Variants in LOC128706666 observed in about 807,000 individuals in gnomAD.
At chr20:10,422,458 A>G in the LOC128706666 span, among the ~76,000 whole-genome samples, 21,732 of 152,030 alleles carry the variant, frequency 0.14, 1,744 homozygotes, top group East Asian at 0.24. Flanking sequence ...TTGGGAATTT[A>G]AGGGTACAAT....
At chr20:10,424,011 A>G in the LOC128706666 span, among the ~76,000 whole-genome samples, 1 of 152,150 alleles carries the variant, frequency 6.6e-6, no homozygotes, top group African/African-American at 2.4e-5. Flanking sequence ...GCAAGTAACT[A>G]TTTTCTGACA....
chr20:10,431,227 T>C, the LOC128706666 span, among the ~76,000 whole-genome samples: 4 of 152,270 alleles, frequency 2.6e-5, no homozygotes, highest in African/African-American at 7.2e-5. Flanking sequence ...ATCGAATATT[T>C]TGACTAAAAT....
the LOC128706666 span, among the ~76,000 whole-genome samples, chr20:10,421,428 A>T: frequency 6.6e-6 from 1 of 152,056 alleles, no homozygotes; most frequent in Non-Finnish European, 1.5e-5. Flanking sequence ...AAAAAAAAAA[A>T]AAAAAAATTA....
At chr20:10,415,902 A>C in the LOC128706666 span, among the ~76,000 whole-genome samples, 4 of 152,200 alleles carry the variant, frequency 2.6e-5, no homozygotes, top group Non-Finnish European at 4.4e-5. Flanking sequence ...AGTGACTCCC[A>C]AATCATTTTA....
At chr20:10,416,531 C>T in the LOC128706666 span, among the ~76,000 whole-genome samples, 3 of 151,450 alleles carry the variant, frequency 2.0e-5, no homozygotes, top group Non-Finnish European at 2.9e-5. Flanking sequence ...TAAATGCAAA[C>T]CCACAGGTTC....
the LOC128706666 span, among the ~76,000 whole-genome samples, chr20:10,430,840 G>C: frequency 3.3e-5 from 5 of 152,218 alleles, no homozygotes; most frequent in Non-Finnish European, 7.3e-5. Context: ...GAGCAGCCAA[G>C]TGATCAAATG....
chr20:10,422,855 G>A, the LOC128706666 span, among the ~76,000 whole-genome samples: 2 of 151,834 alleles, frequency 1.3e-5, no homozygotes, highest in African/African-American at 2.4e-5. Flanking sequence ...GGGACTACAG[G>A]TGCCCGCCAC....
At chr20:10,423,411 G>A in the LOC128706666 span, among the ~76,000 whole-genome samples, 4 of 151,980 alleles carry the variant, frequency 2.6e-5, no homozygotes, top group East Asian at 3.9e-4. Flanking sequence ...GATGAAATGC[G>A]ATCGTTTCAA....
the LOC128706666 span, among the ~76,000 whole-genome samples, chr20:10,426,124 A>T: frequency 6.6e-6 from 1 of 152,224 alleles, no homozygotes; most frequent in Non-Finnish European, 1.5e-5. Context: ...CTTTCATAGC[A>T]ACTTTATGAG....
At chr20:10,419,547 G>C in the LOC128706666 span, among the ~76,000 whole-genome samples, 1 of 152,108 alleles carries the variant, frequency 6.6e-6, no homozygotes, top group African/African-American at 2.4e-5. Flanking sequence ...ACTACATATA[G>C]CACTAAACCC....
At chr20:10,434,170 A>T in the LOC128706666 span, 1,509 of 152,294 alleles carry the variant, frequency 9.9e-3, 12 homozygotes, top group Middle Eastern at 0.017. Flanking sequence ...AACAGATCTC[A>T]AGCAGCCGCT....
chr20:10,425,913 C>T, the LOC128706666 span, among the ~76,000 whole-genome samples: 1 of 152,000 alleles, frequency 6.6e-6, no homozygotes, highest in African/African-American at 2.4e-5. Flanking sequence ...ATAGAGAAAT[C>T]AAGAGACATG....
At chr20:10,415,680 G>A in the LOC128706666 span, among the ~76,000 whole-genome samples, 48 of 152,242 alleles carry the variant, frequency 3.2e-4, no homozygotes, top group African/African-American at 1.1e-3. Flanking sequence ...TAATTTGCAC[G>A]TTAAAACTTA....
At chr20:10,427,081 A>ACAC in the LOC128706666 span, among the ~76,000 whole-genome samples, 1 of 85,700 alleles carries the variant, frequency 1.2e-5, no homozygotes, top group East Asian at 3.4e-4. Flanking sequence ...CACACACACA[A>ACAC]AGTAAGGTTA....
chr20:10,432,288 T>G, the LOC128706666 span, among the ~76,000 whole-genome samples: 7 of 152,244 alleles, frequency 4.6e-5, no homozygotes, highest in African/African-American at 1.7e-4. Flanking sequence ...TCCTGCTTCC[T>G]TTCTTCCTTG....
chr20:10,417,556 A>G, the LOC128706666 span, among the ~76,000 whole-genome samples: 5 of 152,196 alleles, frequency 3.3e-5, no homozygotes, highest in Non-Finnish European at 2.9e-5. Flanking sequence ...GGCTGCAGTG[A>G]GCTATGATAT....
At chr20:10,415,686 A>T in the LOC128706666 span, among the ~76,000 whole-genome samples, 1 of 152,234 alleles carries the variant, frequency 6.6e-6, no homozygotes, top group Non-Finnish European at 1.5e-5. Flanking sequence ...GCACGTTAAA[A>T]CTTACATACA....
At chr20:10,429,456 G>C in the LOC128706666 span, among the ~76,000 whole-genome samples, 7 of 152,238 alleles carry the variant, frequency 4.6e-5, 1 homozygote, top group African/African-American at 1.7e-4. Context: ...TTCATCTCCA[G>C]CTTAGACCCA....
At chr20:10,420,707 T>C in the LOC128706666 span, 1 of 152,134 alleles carries the variant, frequency 6.6e-6, no homozygotes, top group Non-Finnish European at 1.5e-5. Flanking sequence ...ACCAAAACTT[T>C]GTAGTCTCTC....
Sources: gnomAD v4.1 joint callset for allele counts (sites outside exome capture counted in the v4.1 genomes callset) on GRCh38, gnomAD v4.1.1 for gene constraint, MANE v1.5 for transcripts.